CFAP92: variants seen among roughly 807,000 people sequenced by gnomAD.
CFAP92 encodes the protein uncharacterized protein CFAP92.
CFAP92 carries 86 observed loss-of-function variants against 106.3 expected under a neutral mutation model. The ratio of observed to expected loss-of-function variants is 0.81; its 90% confidence interval spans 0.68 to 0.97. CFAP92 has a LOEUF of 0.97. Ranked by LOEUF, CFAP92 falls within the 50% of genes least tolerant of loss-of-function variation. The probability of loss-of-function intolerance (pLI) is 0.00; values close to 1 mark genes in which losing one functional copy is unlikely to be tolerated. For synonymous variants in CFAP92, 477 were observed against 506.4 expected (o/e 0.94, Z 0.78); for missense variants, 1,204 against 1,283.8 (o/e 0.94, Z 0.95).
chr3:128,992,961 G>T, intron 2 of CFAP92, 82 bp downstream of exon 2: 1 of 1,498,522 alleles, frequency 6.7e-7, no homozygotes, highest in Non-Finnish European at 9.2e-7. Flanking sequence ...AGAGGATGTG[G>T]GGTGTATGCG....
At chr3:128,931,476 T>TATGTATATATATGC (rs1938366191) in intron 12 of CFAP92, among the ~76,000 whole-genome samples, 1 of 69,082 alleles carries the variant, frequency 1.4e-5, no homozygotes, top group African/African-American at 1.3e-4. Context: ...CACATACATG[T>TATGTATATATATGC]ATATATATGT....
At chr3:128,964,730 T>C (rs1160780478) in intron 9 of CFAP92, among the ~76,000 whole-genome samples, 3 of 152,140 alleles carry the variant, frequency 2.0e-5, no homozygotes, top group Admixed American at 6.5e-5. Flanking sequence ...AATCATTCTA[T>C]ACGACAAATG....
chr3:128,910,456 A>G (rs1445432705), intron 15 of CFAP92, 123 bp from the exon 16 acceptor site: 18 of 951,250 alleles, frequency 1.9e-5, no homozygotes, highest in Non-Finnish European at 2.3e-5. Flanking sequence ...CTGAGGACCC[A>G]CTGTATACCA....
intron 9 of CFAP92, among the ~76,000 whole-genome samples, chr3:128,954,954 G>A (rs1941229707): frequency 2.5e-5 from 1 of 39,868 alleles, no homozygotes; most frequent in Non-Finnish European, 3.9e-5. Context: ...CGCCCCGTCC[G>A]GGAGGGAGGT....
At chr3:128,978,318 G>GT (rs747166109) in intron 4 of CFAP92, 133 bp from the exon 5 acceptor site, 843 of 841,550 alleles carry the variant, frequency 1.0e-3, no homozygotes, top group Middle Eastern at 4.5e-3. Flanking sequence ...TCACAATAAA[G>GT]TGAGTCATAC....
At chr3:129,004,126 A>T (rs1259911092), upstream of CFAP92, 2 of 1,418,186 alleles carry the variant, frequency 1.4e-6, no homozygotes, top group Admixed American at 2.9e-5. Context: ...TTCGGCTCCC[A>T]TTTTCCCAAA....
rs1226143223 is a variant in CFAP92 at position 128,993,231 on chromosome 3, T to C, written c.74A>G (p.Tyr25Cys). The C allele has an allele frequency of 2.5e-6, 4 of 1,613,942 alleles. No individual in the cohort carries two copies. The highest frequency in any genetic ancestry group is 8.5e-7 in the Non-Finnish European group (1 of 1,179,856). ...CACGTCACACTCGCTCGTGGACTGG[T>C]AAAAGCTAGTGATGGAGGAGATGGG... is the stretch of plus-strand genomic sequence containing the variant. Reference protein sequence around the residue: ...IEPISSITSFYQSTSECDVEE... With the variant: ...IEPISSITSFCQSTSECDVEE... The change falls in exon 2 of 16, where the codon TAC becomes TGC. Residue 25 changes from tyrosine to cysteine, a missense_variant. Transcript: ENST00000645291.
chr3:128,939,875 G>C (rs1236756018), intron 10 of CFAP92, among the ~76,000 whole-genome samples: 1 of 152,210 alleles, frequency 6.6e-6, no homozygotes, highest in Non-Finnish European at 1.5e-5. Context: ...TAATGCCACT[G>C]CTGATCTGAC....
chr3:128,956,980 A>AG (rs1941482687), intron 9 of CFAP92, among the ~76,000 whole-genome samples: 1 of 118,356 alleles, frequency 8.4e-6, no homozygotes, highest in Non-Finnish European at 1.8e-5. Flanking sequence ...ACTCTCTCAA[A>AG]AAAAAAAAAA....
chr3:128,972,105 C>T lies in CFAP92; in HGVS notation c.1022-672G>A, dbSNP rs114063608. ...CAGTGGATAAGTTATATTGATTATC[C>T]ATATGGGAGCAAATTAAGTTATTGA... On this transcript the variant is annotated intron_variant, in intron 7 of 15. Coordinates refer to ENST00000645291, the MANE Select transcript of CFAP92 (RefSeq NM_001394090.1). Among the ~76,000 whole-genome samples the T allele has an allele frequency of 9.9e-3, 1,503 of 152,274 alleles. 13 individuals carry two copies. The highest frequency in any genetic ancestry group is 0.016 in the Non-Finnish European group (1,122 of 68,014).
rs535541201 is a variant in CFAP92 at position 128,988,631 on chromosome 3, G to A, written c.453+97C>T. The A allele has an allele frequency of 8.5e-5, 106 of 1,250,802 alleles. No homozygotes were observed. The East Asian group carries it at 2.4e-3, about 28-fold the overall frequency. The allele number at this position is 1,250,802 out of a possible 1,614,324, so 77.5% of individuals were successfully genotyped here. A position where few individuals can be genotyped will look rare whatever the true frequency, so the allele number is the denominator to read the frequency against. ...GCCCGGGATCCTCCAATTCTAGCAA[G>A]CTGGAGGTGGAGCTGATGTTGCATA... On this transcript the variant is annotated intron_variant, in intron 3 of 15. Coordinates refer to ENST00000645291, the MANE Select transcript of CFAP92 (RefSeq NM_001394090.1).
intron 15 of CFAP92, chr3:128,914,625 AAC>A (rs1936655990): frequency 6.5e-6 from 1 of 153,320 alleles, no homozygotes; most frequent in African/African-American, 2.4e-5. Flanking sequence ...AATTTTCATA[AAC>A]AGGGATAAAG....
At chr3:129,012,480 G>A in the CFAP92 span, among the ~76,000 whole-genome samples, 1 of 152,136 alleles carries the variant, frequency 6.6e-6, no homozygotes, top group East Asian at 1.9e-4. Flanking sequence ...GAACATGGCT[G>A]CAGGGACCCC....
chr3:129,013,481 C>A, the CFAP92 span, among the ~76,000 whole-genome samples: 2 of 152,204 alleles, frequency 1.3e-5, no homozygotes, highest in African/African-American at 4.8e-5. Context: ...TATCCTTTAT[C>A]TTGTCTTTCT....
chr3:128,990,633 C>T (rs1576647567), intron 2 of CFAP92, among the ~76,000 whole-genome samples: 1 of 152,262 alleles, frequency 6.6e-6, no homozygotes. Context: ...TGGTGGTTCA[C>T]GTCTGTAATT....
chr3:128,923,532 G>A (rs1431523777), intron 12 of CFAP92, among the ~76,000 whole-genome samples: 1 of 152,184 alleles, frequency 6.6e-6, no homozygotes, highest in Non-Finnish European at 1.5e-5. Context: ...TGCAGAAGAT[G>A]GACCTTCATC....
upstream of CFAP92, chr3:129,002,811 T>C (rs1310067533): frequency 6.4e-6 from 1 of 156,294 alleles, no homozygotes; most frequent in Non-Finnish European, 1.4e-5. Flanking sequence ...CAAAGACTTA[T>C]GGGGCTCCCT....
At chr3:128,973,921 T>C (rs142829050) in intron 7 of CFAP92, among the ~76,000 whole-genome samples, 5 of 152,350 alleles carry the variant, frequency 3.3e-5, no homozygotes, top group African/African-American at 9.6e-5. Context: ...ATTGTGAATA[T>C]GTAGTTGTTG....
upstream of CFAP92, among the ~76,000 whole-genome samples, chr3:128,994,691 G>A (rs1014784458): frequency 2.0e-5 from 3 of 152,182 alleles, no homozygotes; most frequent in African/African-American, 4.8e-5. Flanking sequence ...GTTGAAATCC[G>A]GACTGCCTGA....
Sources: allele counts gnomAD v4.1 joint callset (sites outside exome capture counted in the v4.1 genomes callset), GRCh38; gene constraint gnomAD v4.1.1; transcripts MANE v1.5; gene names NCBI Gene and HGNC (gene_info 2026-07-23, HGNC 2026-07-21).